Variants in PAH observed in about 807,000 individuals in gnomAD.
PAH encodes the protein phenylalanine-4-hydroxylase.
Under a neutral mutation model 62.0 loss-of-function variants are expected in PAH, and 64 were observed. The observed-to-expected ratio is 1.03, with a 90% confidence interval of 0.84 to 1.27. PAH has a LOEUF of 1.27. Among genes scored for constraint, PAH ranks in the 50% most tolerant of loss-of-function variants. PAH has a pLI of 0.00. For synonymous variants in PAH, 195 were observed against 196.2 expected (o/e 0.99, Z 0.05); for missense variants, 579 against 542.8 (o/e 1.07, Z -0.66).
intron 1 of PAH, 115 bp from the exon 2 acceptor site, chr12:102,913,013 TAC>T: frequency 1.4e-6 from 1 of 717,836 alleles, no homozygotes; most frequent in Non-Finnish European, 2.5e-6. Context: ...AATCTTGCAA[TAC>T]AATGAGCTAT....
At chr12:102,867,465 G>A (rs1435542167) in intron 4 of PAH, among the ~76,000 whole-genome samples, 1 of 152,160 alleles carries the variant, frequency 6.6e-6, no homozygotes, top group African/African-American at 2.4e-5. Context: ...AGTGTTTGGG[G>A]TGGAAATGGG....
intron 3 of PAH, among the ~76,000 whole-genome samples, chr12:102,893,881 G>A (rs781204815): frequency 1.3e-5 from 2 of 152,184 alleles, no homozygotes; most frequent in Non-Finnish European, 1.5e-5. Context: ...TGTGTACCAA[G>A]CAGTGTGCTA....
At chr12:102,894,389 G>C (rs2136701010) in intron 3 of PAH, among the ~76,000 whole-genome samples, 1 of 122,720 alleles carries the variant, frequency 8.1e-6, no homozygotes, top group African/African-American at 3.0e-5. Flanking sequence ...AAAAAAGAGA[G>C]AGAAAAATAA....
At chr12:102,847,844 C>T (rs1384889302) in intron 8 of PAH, among the ~76,000 whole-genome samples, 1 of 152,120 alleles carries the variant, frequency 6.6e-6, no homozygotes, top group Non-Finnish European at 1.5e-5. Context: ...GGGAAGCACA[C>T]TGTTGGCCAA....
rs767127989 is a variant in PAH at position 102,877,522 on chromosome 12, C to G, written c.381G>C (p.Glu127Asp). Residue 127 changes from glutamate (E) to aspartate (D), a missense_variant, in exon 4 of 13, where the codon GAG becomes GAC. Physicochemically the swap from Glu to Asp is conservative, Grantham distance 45. Coordinates refer to ENST00000553106, the MANE Select transcript of PAH (RefSeq NM_000277.3). ...TVPWFPRTIQ[E>D]LDRFANQILS... ...GAATCTGATTGGCAAATCTGTCCAG[C>G]TCTTGAATGGTTCTTGGGAACCAGG... 2 of 1,614,088 alleles carry G rather than the reference C, an allele frequency of 1.2e-6. No homozygotes were observed. The highest frequency in any genetic ancestry group is 8.5e-7 in the Non-Finnish European group (1 of 1,180,002).
chr12:102,867,056 T>G (rs901969938), intron 4 of PAH, among the ~76,000 whole-genome samples: 2 of 152,250 alleles, frequency 1.3e-5, no homozygotes, highest in African/African-American at 4.8e-5. Flanking sequence ...TTTAATTTCT[T>G]GATAGACGAG....
chr12:102,892,997 C>T (rs1315071251), intron 3 of PAH, among the ~76,000 whole-genome samples: 1 of 151,922 alleles, frequency 6.6e-6, no homozygotes, highest in African/African-American at 2.4e-5. Flanking sequence ...AAAAAAATAC[C>T]ACACAAATGC....
At chr12:102,958,360 C>T in exon 1 of PAH, 1 of 1,438,390 alleles carries the variant, frequency 7.0e-7, no homozygotes, top group South Asian at 1.4e-5. Context: ...GCAGCCGCGG[C>T]GGCCGCAGCC....
intron 1 of PAH, among the ~76,000 whole-genome samples, chr12:102,949,297 G>A (rs1879640263): frequency 1.3e-5 from 2 of 152,148 alleles, no homozygotes; most frequent in South Asian, 4.1e-4. Flanking sequence ...AGCAAGGACT[G>A]GTCTCACTGA....
At chr12:102,896,336 G>A (rs574884649) in intron 2 of PAH, among the ~76,000 whole-genome samples, 148 of 152,268 alleles carry the variant, frequency 9.7e-4, no homozygotes, top group African/African-American at 3.5e-3. Flanking sequence ...GAAAATAACA[G>A]GAGACAGTGT....
At chr12:102,923,975 T>G (rs948055738) in intron 1 of PAH, among the ~76,000 whole-genome samples, 2 of 152,218 alleles carry the variant, frequency 1.3e-5, no homozygotes, top group Non-Finnish European at 2.9e-5. Flanking sequence ...AGTTATCCAG[T>G]TTCTTGCCTT....
chr12:102,837,649 T>C lies in PAH; in HGVS notation c.*1526A>G, dbSNP rs767500338. 11 of 152,206 alleles carry C rather than the reference T, an allele frequency of 7.2e-5. No homozygotes were observed. The highest frequency in any genetic ancestry group is 1.0e-4 in the Non-Finnish European group (7 of 68,040). The allele number at this position is 152,206 out of a possible 1,614,324, so 9.4% of individuals were successfully genotyped here. On this transcript the variant is annotated 3_prime_UTR_variant, in exon 13 of 13. Coordinates refer to ENST00000553106, the MANE Select transcript of PAH (RefSeq NM_000277.3). ...CCCATCAGTGGATCAGGCATAGCTA[T>C]ATAAAGACACATATGAACACTTGAA...
At chr12:102,894,143 A>G (rs1877393316) in intron 3 of PAH, among the ~76,000 whole-genome samples, 2 of 152,218 alleles carry the variant, frequency 1.3e-5, no homozygotes, top group South Asian at 4.1e-4. Context: ...GCAGTGGTCC[A>G]GTTTCAATTT....
rs112393511 is a variant in PAH at position 102,912,415 on chromosome 12, T to A, written c.168+376A>T. On this transcript the variant is annotated intron_variant, in intron 2 of 12. Transcript: ENST00000553106. ...ATTAATATTTATTTCTTGTTTACTC[T>A]TTAACTGTAATCACATGTGACACAT... Among the ~76,000 whole-genome samples the A allele has an allele frequency of 9.7e-4, 147 of 152,276 alleles. 1 individual carries two copies. Among genetic ancestry groups the A allele is most frequent in the African/African-American group, 3.3e-3 (138 of 41,574 alleles).
At chr12:102,863,826 A>C (rs76000721) in intron 5 of PAH, among the ~76,000 whole-genome samples, 4,023 of 152,192 alleles carry the variant, frequency 0.026, 174 homozygotes, top group African/African-American at 0.09. Flanking sequence ...TGTTTTGCAG[A>C]TGAAAAATAT....
intron 1 of PAH, among the ~76,000 whole-genome samples, chr12:102,928,592 G>T (rs1371011170): frequency 1.3e-5 from 2 of 152,148 alleles, no homozygotes; most frequent in Admixed American, 1.3e-4. Flanking sequence ...TTGACCATTT[G>T]AAAGCATGAG....
At chr12:102,851,594 C>T in intron 8 of PAH, 93 bp downstream of exon 8, 1 of 998,720 alleles carries the variant, frequency 1.0e-6, no homozygotes, top group Non-Finnish European at 1.6e-6. Context: ...TCCGCTCTTG[C>T]AGAGGGCATG....
chr12:102,951,665 G>C (rs1164402390), upstream of PAH, among the ~76,000 whole-genome samples: 1 of 152,162 alleles, frequency 6.6e-6, no homozygotes, highest in Non-Finnish European at 1.5e-5. Context: ...TCCACAAAGT[G>C]GGGGTGGGAG....
At chr12:102,931,971 T>C (rs1878893689) in intron 1 of PAH, among the ~76,000 whole-genome samples, 1 of 152,148 alleles carries the variant, frequency 6.6e-6, no homozygotes, top group African/African-American at 2.4e-5. Context: ...GGGGCTTACA[T>C]TCTAGTGTCT....
Sources: allele counts gnomAD v4.1 joint callset (sites outside exome capture counted in the v4.1 genomes callset), GRCh38; gene constraint gnomAD v4.1.1; transcripts MANE v1.5; gene names NCBI Gene and HGNC (gene_info 2026-07-23, HGNC 2026-07-21).